MALRD1: variants seen among roughly 807,000 people sequenced by gnomAD.
MALRD1 encodes MAM and LDL receptor class A domain containing 1.
Under a neutral mutation model 242.1 loss-of-function variants are expected in MALRD1, and 247 were observed. The ratio of observed to expected loss-of-function variants is 1.02; its 90% CI spans 0.92 to 1.13. MALRD1 has a LOEUF of 1.13. Among genes scored for constraint, MALRD1 ranks in the 50% most tolerant of loss-of-function variants. The probability of loss-of-function intolerance (pLI) is 0.00; values close to 1 mark genes in which losing one functional copy is unlikely to be tolerated. For synonymous variants in MALRD1, 995 were observed against 866.6 expected (o/e 1.15, Z -2.60); for missense variants, 2,989 against 2,533.1 (o/e 1.18, Z -3.86).
intron 29 of MALRD1, among the ~76,000 whole-genome samples, chr10:19,481,478 A>C (rs1166098497): frequency 2.6e-5 from 4 of 152,186 alleles, no homozygotes; most frequent in Non-Finnish European, 4.4e-5. Flanking sequence ...TTTTATTTGC[A>C]AACTTGCCTC....
At chr10:19,567,794 A>G in intron 33 of MALRD1, 91 bp downstream of exon 33, 1 of 1,137,798 alleles carries the variant, frequency 8.8e-7, no homozygotes, top group Non-Finnish European at 1.3e-6. Flanking sequence ...AATTACATTT[A>G]TTTCTGGGTC....
intron 26 of MALRD1, among the ~76,000 whole-genome samples, chr10:19,375,934 C>T (rs889918655): frequency 6.6e-6 from 1 of 152,096 alleles, no homozygotes; most frequent in Non-Finnish European, 1.5e-5. Context: ...CCATCCTGGC[C>T]AGTGTGGTGA....
chr10:19,569,305 A>G (rs903484982), intron 33 of MALRD1, among the ~76,000 whole-genome samples: 3 of 151,846 alleles, frequency 2.0e-5, no homozygotes, highest in Non-Finnish European at 4.4e-5. Context: ...TTCTCCAGCA[A>G]TTCTCAAATT....
intron 28 of MALRD1, among the ~76,000 whole-genome samples, chr10:19,446,613 A>G (rs1589089545): frequency 2.6e-5 from 4 of 152,224 alleles, no homozygotes; most frequent in African/African-American, 9.6e-5. Context: ...AAAGACTGGC[A>G]TAAAGTATGA....
chr10:19,285,334 A>G (rs1366308919), intron 21 of MALRD1, among the ~76,000 whole-genome samples: 4 of 138,722 alleles, frequency 2.9e-5, no homozygotes, highest in Non-Finnish European at 6.2e-5. Context: ...GCCCACGCCT[A>G]TATCCTGAAT....
chr10:19,387,925 G>T (rs1196292446), intron 27 of MALRD1, among the ~76,000 whole-genome samples, 152 bp downstream of exon 27: 2 of 152,100 alleles, frequency 1.3e-5, no homozygotes, highest in Admixed American at 6.6e-5. Context: ...TTTTCTTAGG[G>T]CTGCTGTAAG....
At chr10:19,284,314 A>G (rs1399761218) in intron 21 of MALRD1, among the ~76,000 whole-genome samples, 2 of 150,966 alleles carry the variant, frequency 1.3e-5, no homozygotes, top group African/African-American at 4.9e-5. Flanking sequence ...GGTTCGTTAC[A>G]TATGTATACA....
In MALRD1 at chr10:19,215,717, A is replaced by G. The variant is rs186811168; in HGVS notation, c.2991+6037A>G. ...CTAGATCCTGTGCAGACGTGCTATA[A>G]TAAATTAGTATAAATAATTTAGTAT... On this transcript the variant is annotated intron_variant, in intron 18 of 39. Transcript: ENST00000454679. 8.5e-4 allele frequency among the ~76,000 whole-genome samples: 102 copies of G among 120,628 alleles called. 4 individuals are homozygous for G. The highest frequency in any genetic ancestry group is 8.8e-3 in the Middle Eastern group (2 of 226). The allele number at this position is 120,628 out of a possible 152,430, so 79.1% of individuals were successfully genotyped here. A position where few individuals can be genotyped will look rare whatever the true frequency, so the allele number is the denominator to read the frequency against.
At chr10:19,370,707 AC>A (rs1845334802) in intron 26 of MALRD1, among the ~76,000 whole-genome samples, 1 of 151,926 alleles carries the variant, frequency 6.6e-6, no homozygotes, top group African/African-American at 2.4e-5. Context: ...CCTCCTGGGT[AC>A]CTGAAACTAC....
chr10:19,250,016 A>G (rs200710088), intron 18 of MALRD1, among the ~76,000 whole-genome samples: 2 of 152,008 alleles, frequency 1.3e-5, no homozygotes, highest in East Asian at 1.9e-4. Context: ...AGACTTGTAT[A>G]TTAAAATAAT....
chr10:19,393,594 G>C (rs560790731), intron 28 of MALRD1, among the ~76,000 whole-genome samples: 119 of 150,190 alleles, frequency 7.9e-4, no homozygotes, highest in East Asian at 2.2e-3. Context: ...TACAGGCGCC[G>C]GCCACCACGC....
chr10:19,327,386 A>G (rs1411253218), intron 22 of MALRD1, among the ~76,000 whole-genome samples, 177 bp from the exon 23 acceptor site: 1 of 152,038 alleles, frequency 6.6e-6, no homozygotes, highest in African/African-American at 2.4e-5. Flanking sequence ...GAGGTACGCT[A>G]GGGGCACAAT....
chr10:19,328,165 G>A (rs1294693441), intron 23 of MALRD1, among the ~76,000 whole-genome samples: 1 of 152,066 alleles, frequency 6.6e-6, no homozygotes, highest in Non-Finnish European at 1.5e-5. Flanking sequence ...AGTAGTAAGA[G>A]GATCAGACCT....
At chr10:19,345,109 A>G (rs1844053500) in intron 24 of MALRD1, among the ~76,000 whole-genome samples, 1 of 152,162 alleles carries the variant, frequency 6.6e-6, no homozygotes. Context: ...GTGACGTGAA[A>G]TTCAAACTAC....
At chr10:19,675,426 C>T (rs965620690) in intron 36 of MALRD1, among the ~76,000 whole-genome samples, 1 of 152,144 alleles carries the variant, frequency 6.6e-6, no homozygotes, top group Non-Finnish European at 1.5e-5. Context: ...TAACATTTAA[C>T]CTTTCACAGG....
chr10:19,047,355 GGTGTGTGT>G (rs3042212), upstream of MALRD1, among the ~76,000 whole-genome samples: 235 of 148,852 alleles, frequency 1.6e-3, 3 homozygotes, highest in Admixed American at 5.7e-3. Context: ...GTGTTAATTA[GGTGTGTGT>G]GTGTGTGTGT....
chr10:19,341,440 A>G (rs1249744797), intron 24 of MALRD1, among the ~76,000 whole-genome samples: 1 of 40,672 alleles, frequency 2.5e-5, no homozygotes, highest in African/African-American at 1.3e-4. Flanking sequence ...CACTATATGT[A>G]TATATATATA....
chr10:19,339,853 G>A (rs897019196), intron 24 of MALRD1, among the ~76,000 whole-genome samples: 4 of 152,120 alleles, frequency 2.6e-5, no homozygotes, highest in Non-Finnish European at 4.4e-5. Context: ...AAATAAAAGA[G>A]GTTTAACTGA....
At chr10:19,495,247 G>A (rs1298023919) in intron 30 of MALRD1, among the ~76,000 whole-genome samples, 1 of 151,924 alleles carries the variant, frequency 6.6e-6, no homozygotes, top group African/African-American at 2.4e-5. Context: ...AGAGTGCCGG[G>A]ATTACAGGTA....
Sources: gnomAD v4.1 joint callset for allele counts (sites outside exome capture counted in the v4.1 genomes callset) on GRCh38, gnomAD v4.1.1 for gene constraint, MANE v1.5 for transcripts, NCBI Gene and HGNC (gene_info 2026-07-23, HGNC 2026-07-21) for gene names.